EXOC6B: variants seen among roughly 807,000 people sequenced by gnomAD.
EXOC6B encodes exocyst complex component 6B, also known as SEC15 homolog B.
EXOC6B carries 54 observed loss-of-function variants against 113.5 expected under a neutral mutation model. The ratio of observed to expected loss-of-function variants is 0.48; its 90% CI spans 0.38 to 0.60. EXOC6B has a LOEUF of 0.60. Among genes scored for constraint, EXOC6B ranks in the 20% least tolerant of loss-of-function variants. EXOC6B has a pLI of 0.00. For synonymous variants in EXOC6B, 357 were observed against 339.0 expected, an observed-to-expected ratio of 1.05 and a Z score of -0.58; for missense variants, 797 against 977.5, an observed-to-expected ratio of 0.82 and a Z score of 2.46.
chr2:72,601,285 C>A (rs1463751874), intron 6 of EXOC6B, among the ~76,000 whole-genome samples: 4 of 152,000 alleles, frequency 2.6e-5, no homozygotes, highest in Admixed American at 2.6e-4. Flanking sequence ...CGGGTTCACA[C>A]CATTCTCCTG....
At chr2:72,447,617 G>A (rs1696665733) in intron 18 of EXOC6B, among the ~76,000 whole-genome samples, 1 of 152,112 alleles carries the variant, frequency 6.6e-6, no homozygotes, top group South Asian at 2.1e-4. Flanking sequence ...CCACCATGGT[G>A]CTAATTTCAG....
At chr2:72,411,343 T>C (rs879899869) in intron 18 of EXOC6B, among the ~76,000 whole-genome samples, 3 of 152,088 alleles carry the variant, frequency 2.0e-5, no homozygotes, top group Non-Finnish European at 4.4e-5. Context: ...CCAGAGGAGC[T>C]CTTAGGCTGA....
chr2:72,632,978 C>T (rs1672576096), intron 6 of EXOC6B, among the ~76,000 whole-genome samples: 1 of 152,154 alleles, frequency 6.6e-6, no homozygotes, highest in African/African-American at 2.4e-5. Context: ...ACCCACCAGA[C>T]ACCAGTTTTC....
intron 20 of EXOC6B, among the ~76,000 whole-genome samples, chr2:72,196,327 G>A (rs962197069): frequency 2.0e-4 from 30 of 152,208 alleles, no homozygotes; most frequent in Non-Finnish European, 3.7e-4. Context: ...AACATTAAGG[G>A]ATCGTAAAGC....
At position 72,281,362 on chromosome 2, in the gene EXOC6B, A is replaced by AG. The variant is rs1430576056; in HGVS notation, c.2196+53584dup. On this transcript the variant is annotated intron_variant, in intron 20 of 21. Coordinates refer to ENST00000272427, the MANE Select transcript of EXOC6B (RefSeq NM_015189.3). ...CAGACTTATCAAGAACAGAGATATG[A>AG]GAAAAGCAGACAATAGAAACAGTAC... Among the ~76,000 whole-genome samples, 6 of 152,238 alleles carry AG rather than the reference A, an allele frequency of 3.9e-5. No homozygotes were observed. The East Asian group carries it at 1.2e-3, about 29-fold the overall frequency.
At chr2:72,461,195 CTGGGGACTGTTGTGGGG>C (rs1252860643) in intron 18 of EXOC6B, among the ~76,000 whole-genome samples, 44 of 110,136 alleles carry the variant, frequency 4.0e-4, no homozygotes, top group Admixed American at 8.0e-4. Flanking sequence ...ACATCACACT[CTGGGGACTGTTGTGGGG>C]TGGGGGGAGG....
intron 18 of EXOC6B, among the ~76,000 whole-genome samples, chr2:72,401,517 A>G (rs1233156014): frequency 6.1e-5 from 1 of 16,436 alleles, no homozygotes; most frequent in Non-Finnish European, 9.3e-5. Flanking sequence ...ATATATATAC[A>G]TATATACATA....
At chr2:72,494,250 G>A (rs1483020130) in intron 15 of EXOC6B, among the ~76,000 whole-genome samples, 1 of 151,944 alleles carries the variant, frequency 6.6e-6, no homozygotes. Flanking sequence ...CAATCAACTT[G>A]TAATGATTTA....
At chr2:72,340,884 A>C (rs551863940) in intron 19 of EXOC6B, among the ~76,000 whole-genome samples, 1 of 152,256 alleles carries the variant, frequency 6.6e-6, no homozygotes, top group African/African-American at 2.4e-5. Context: ...CACTAAGCTA[A>C]TTACAAACAG....
chr2:72,305,647 C>A (rs1686809186), intron 20 of EXOC6B, among the ~76,000 whole-genome samples: 1 of 152,012 alleles, frequency 6.6e-6, no homozygotes, highest in Non-Finnish European at 1.5e-5. Flanking sequence ...GTCTCTGTTT[C>A]TTCACTAACA....
chr2:72,815,503 A>G (rs111256609), intron 1 of EXOC6B, among the ~76,000 whole-genome samples: 3,203 of 151,930 alleles, frequency 0.021, 110 homozygotes, highest in African/African-American at 0.072. Flanking sequence ...AAAAAAAAAA[A>G]AAGAAAAAAG....
chr2:72,452,258 A>G (rs1187594068), intron 18 of EXOC6B, among the ~76,000 whole-genome samples: 1 of 152,214 alleles, frequency 6.6e-6, no homozygotes, highest in African/African-American at 2.4e-5. Context: ...GTTGGAGGAC[A>G]CTATTCCATG....
At chr2:72,675,704 G>C (rs1235850600) in intron 6 of EXOC6B, among the ~76,000 whole-genome samples, 1 of 151,732 alleles carries the variant, frequency 6.6e-6, no homozygotes, top group East Asian at 1.9e-4. Context: ...GAGATGGAGA[G>C]AACCACTTGA....
intron 20 of EXOC6B, among the ~76,000 whole-genome samples, chr2:72,234,985 G>A (rs1181560734): frequency 6.6e-6 from 1 of 152,190 alleles, no homozygotes; most frequent in African/African-American, 2.4e-5. Context: ...TGGAAAGCAT[G>A]TGGCGATTTC....
chr2:72,337,930 C>A (rs1001739910), intron 19 of EXOC6B, among the ~76,000 whole-genome samples: 4 of 152,110 alleles, frequency 2.6e-5, no homozygotes, highest in Non-Finnish European at 5.9e-5. Context: ...ATAAGTTACA[C>A]AAATAGCAAG....
chr2:72,296,792 GT>G (rs202147187), intron 20 of EXOC6B, among the ~76,000 whole-genome samples: 1,642 of 152,210 alleles, frequency 0.011, 30 homozygotes, highest in African/African-American at 0.037. Flanking sequence ...ATGGTTTTCT[GT>G]TTTTTTCCTC....
chr2:72,606,684 A>G (rs1042455643), intron 6 of EXOC6B, among the ~76,000 whole-genome samples: 5 of 147,646 alleles, frequency 3.4e-5, no homozygotes, highest in Admixed American at 6.9e-5. Context: ...ACTGGAGTGC[A>G]GTGGCCCACT....
At chr2:72,611,914 A>G (rs531282819) in intron 6 of EXOC6B, among the ~76,000 whole-genome samples, 3 of 152,316 alleles carry the variant, frequency 2.0e-5, no homozygotes, top group Non-Finnish European at 2.9e-5. Flanking sequence ...TATAAAACGT[A>G]CATACACAAC....
intron 6 of EXOC6B, among the ~76,000 whole-genome samples, chr2:72,675,159 G>T (rs573459248): frequency 2.0e-5 from 3 of 152,292 alleles, no homozygotes; most frequent in Admixed American, 2.0e-4. Flanking sequence ...GCTGATAAAT[G>T]CTATATGATC....
Sources: gnomAD v4.1 joint callset for allele counts (sites outside exome capture counted in the v4.1 genomes callset) on GRCh38, gnomAD v4.1.1 for gene constraint, MANE v1.5 for transcripts, NCBI Gene and HGNC (gene_info 2026-07-23, HGNC 2026-07-21) for gene names.